Variants in MFF observed in about 807,000 individuals in gnomAD.
MFF encodes chromosome 2 open reading frame 33.
MFF carries 12 observed loss-of-function variants against 36.9 expected under a neutral mutation model. The ratio of observed to expected loss-of-function variants is 0.33; its 90% CI spans 0.21 to 0.53. The LOEUF is 0.53. Ranked by LOEUF, MFF falls within the 20% of genes least tolerant of loss-of-function variation. The pLI, the probability that MFF is intolerant of heterozygous loss-of-function variation, is 0.95. For synonymous variants in MFF, 99 were observed against 126.2 expected (o/e 0.78, Z 1.44); for missense variants, 348 against 366.6 (o/e 0.95, Z 0.42).
intron 4 of MFF, among the ~76,000 whole-genome samples, chr2:227,333,539 G>A (rs2074757729): frequency 6.6e-6 from 1 of 152,148 alleles, no homozygotes; most frequent in Non-Finnish European, 1.5e-5. Context: ...TGCAGTATAG[G>A]AATTAATGAG....
chr2:227,337,539 C>G (rs920088370), intron 4 of MFF, among the ~76,000 whole-genome samples: 1 of 152,128 alleles, frequency 6.6e-6, no homozygotes, highest in African/African-American at 2.4e-5. Context: ...AATTTATGAA[C>G]AATCAAATTT....
In MFF at chr2:227,338,570, G is replaced by A. The variant is rs141552426; in HGVS notation, c.352-1722G>A. Among the ~76,000 whole-genome samples the A allele has an allele frequency of 5.4e-3, 812 of 151,062 alleles. 3 individuals carry two copies. The highest frequency in any genetic ancestry group is 0.025 in the Middle Eastern group (7 of 284). On this transcript the variant is annotated intron_variant, in intron 4 of 8. Coordinates refer to ENST00000304593, the MANE Select transcript of MFF (RefSeq NM_001277062.2). ...ATGTCGGCCGGGCGCAGTGGCTCACGCCTGTAATCCCAGCACTTTGGGAGG... is the reference window on the plus strand; with the variant it reads ...ATGTCGGCCGGGCGCAGTGGCTCACACCTGTAATCCCAGCACTTTGGGAGG...
chr2:227,330,467 A>C, intron 2 of MFF, 159 bp from the exon 3 acceptor site: 1 of 592,836 alleles, frequency 1.7e-6, no homozygotes, highest in Non-Finnish European at 3.0e-6. Flanking sequence ...TGAGGAAGAC[A>C]TTTTCTTTCA....
At chr2:227,348,903 A>G (rs147897074) in intron 6 of MFF, among the ~76,000 whole-genome samples, 224 of 152,188 alleles carry the variant, frequency 1.5e-3, no homozygotes, top group African/African-American at 5.2e-3. Context: ...ACGATATTGC[A>G]TATAAAGTAG....
chr2:227,330,553 T>C (rs1471786611), intron 2 of MFF, 73 bp from the exon 3 acceptor site: 2 of 975,250 alleles, frequency 2.1e-6, no homozygotes, highest in African/African-American at 4.4e-5. Context: ...TAAGGTATTG[T>C]CTTCTAACTT....
chr2:227,344,632 C>T (rs1418965786), intron 5 of MFF, among the ~76,000 whole-genome samples: 1 of 151,976 alleles, frequency 6.6e-6, no homozygotes, highest in African/African-American at 2.4e-5. Flanking sequence ...TTTTGGCAGT[C>T]TTAATGGTGA....
intron 6 of MFF, chr2:227,352,269 T>C (rs2076035478): frequency 2.5e-6 from 1 of 394,488 alleles, no homozygotes; most frequent in Non-Finnish European, 4.5e-6. Context: ...GTTGGTGCTG[T>C]TTTGTCGTGT....
chr2:227,353,660 C>T (rs542124064), intron 7 of MFF, among the ~76,000 whole-genome samples: 5 of 151,990 alleles, frequency 3.3e-5, no homozygotes, highest in South Asian at 4.2e-4. Context: ...CTAATAAATA[C>T]GGTTTTTGTT....
intron 5 of MFF, among the ~76,000 whole-genome samples, chr2:227,343,948 C>T (rs1016449991): frequency 6.6e-6 from 1 of 152,062 alleles, no homozygotes; most frequent in African/African-American, 2.4e-5. Context: ...CCACCATGCC[C>T]GGCTAACTTT....
intron 4 of MFF, among the ~76,000 whole-genome samples, chr2:227,333,240 A>G (rs1226752456): frequency 6.6e-6 from 1 of 152,232 alleles, no homozygotes. Context: ...ATATGTTTTT[A>G]TTAATAATGG....
At position 227,352,509 on chromosome 2, in the gene MFF, C is replaced by T. The variant is rs1391225103; in HGVS notation, c.600-5C>T. The stretch of plus-strand genomic sequence containing the variant: ...TGTGCCTTCTCCCGCAAAAACCTGC[C>T]TTAGACCTGTGTTGCGTGGTGGGTC... On this transcript the variant is annotated splice_region_variant and splice_polypyrimidine_tract_variant and intron_variant, in intron 6 of 8. Coordinates refer to ENST00000304593, the MANE Select transcript of MFF (RefSeq NM_001277062.2). The T allele has an allele frequency of 1.4e-6, 2 of 1,451,922 alleles. No individual in the cohort carries two copies. Among genetic ancestry groups the T allele is most frequent in the African/African-American group, 1.9e-5 (1 of 51,894 alleles). 89.9% of individuals were successfully genotyped at this position (1,451,922 alleles called of 1,614,324 possible).
intron 1 of MFF, among the ~76,000 whole-genome samples, chr2:227,327,543 A>C (rs1574872989): frequency 6.6e-6 from 1 of 152,236 alleles, no homozygotes. Context: ...GTTCAGCTAC[A>C]GGAGAACTTG....
intron 4 of MFF, 140 bp from the exon 5 acceptor site, chr2:227,340,152 T>G (rs1474602882): frequency 5.0e-6 from 3 of 600,812 alleles, no homozygotes; most frequent in Non-Finnish European, 8.8e-6. Context: ...ATACACTGCC[T>G]GGCAGCAATT....
intron 3 of MFF, among the ~76,000 whole-genome samples, chr2:227,331,434 T>C (rs1251373034): frequency 6.6e-6 from 1 of 152,238 alleles, no homozygotes; most frequent in Non-Finnish European, 1.5e-5. Context: ...CATTCGTTGA[T>C]TGCTTTTTGT....
chr2:227,347,720 T>A (rs2075787078), intron 6 of MFF, among the ~76,000 whole-genome samples: 1 of 152,202 alleles, frequency 6.6e-6, no homozygotes, highest in Admixed American at 6.5e-5. Context: ...TAGACTGAAG[T>A]TTACTAGTCC....
rs1326275169 is a variant in MFF at position 227,328,319 on chromosome 2, AACC to A, written c.-152-357_-152-355del. Among the ~76,000 whole-genome samples the A allele has an allele frequency of 4.8e-3, 500 of 103,658 alleles. 5 individuals carry two copies. Among genetic ancestry groups the A allele is most frequent in the African/African-American group, 0.017 (470 of 27,670 alleles). The allele number at this position is 103,658 out of a possible 152,430, so 68.0% of individuals were successfully genotyped here. A position where few individuals can be genotyped will look rare whatever the true frequency, so the allele number is the denominator to read the frequency against. ...ACAAAAAAAAAAAAAAAAAAAAAAAAACCAATTCATTTGTTCTTCTTTAACATA... is the reference window on the plus strand; with the variant it reads ...ACAAAAAAAAAAAAAAAAAAAAAAAAAATTCATTTGTTCTTCTTTAACATA... On this transcript the variant is annotated intron_variant, in intron 1 of 8. Coordinates refer to ENST00000304593, the MANE Select transcript of MFF (RefSeq NM_001277062.2).
In MFF at chr2:227,330,706, C is replaced by G. The variant is rs1323264214; in HGVS notation, c.41C>G (p.Thr14Ser). ...ISRIQYEMEY[T>S]EGISQRMRVP... ...CGAATTCAGTACGAAATGGAATATA[C>G]TGAAGGCATTAGTCAGCGAATGAGG... The change falls in exon 3 of 9, where the codon ACT becomes AGT. Residue 14 changes from threonine (T) to serine (S), a missense_variant. Transcript: ENST00000304593. The G allele has an allele frequency of 1.2e-6, 2 of 1,614,192 alleles. No individual in the cohort carries two copies. Among genetic ancestry groups the G allele is most frequent in the Non-Finnish European group, 1.7e-6 (2 of 1,180,020 alleles).
chr2:227,335,429 A>C (rs1443563555), intron 4 of MFF, among the ~76,000 whole-genome samples: 2 of 152,160 alleles, frequency 1.3e-5, no homozygotes, highest in African/African-American at 4.8e-5. Context: ...GGAATTAGAT[A>C]GTGGTAATGA....
At chr2:227,326,895 C>G (rs949041983) in intron 1 of MFF, among the ~76,000 whole-genome samples, 2 of 152,110 alleles carry the variant, frequency 1.3e-5, no homozygotes, top group Admixed American at 6.5e-5. Context: ...CCGAGGCTTT[C>G]TGGGTTCCAG....
Sources: gnomAD v4.1 joint callset for allele counts (sites outside exome capture counted in the v4.1 genomes callset) on GRCh38, gnomAD v4.1.1 for gene constraint, MANE v1.5 for transcripts, NCBI Gene and HGNC (gene_info 2026-07-23, HGNC 2026-07-21) for gene names.